The following DOCK7 variants were observed in gnomAD, a reference collection of about 807,000 sequenced individuals.
DOCK7 encodes dedicator of cytokinesis 7.
Under a neutral mutation model 271.0 loss-of-function variants are expected in DOCK7, and 138 were observed. The observed-to-expected ratio is 0.51, with a 90% confidence interval of 0.44 to 0.59. The LOEUF (loss-of-function observed/expected upper bound fraction) is 0.59. DOCK7 is among the 20% of genes least tolerant of loss of function. The pLI, the probability that DOCK7 is intolerant of heterozygous loss-of-function variation, is 0.00. For synonymous variants in DOCK7, 823 were observed against 876.1 expected (o/e 0.94, Z 1.07); for missense variants, 2,066 against 2,592.4 (o/e 0.80, Z 4.41).
At chr1:62,556,114 G>T in intron 20 of DOCK7, 125 bp from the exon 21 acceptor site, 2 of 933,618 alleles carry the variant, frequency 2.1e-6, no homozygotes, top group Non-Finnish European at 1.6e-6. Context: ...AGTGTATAAA[G>T]ATGATTACTA....
chr1:62,622,823 G>T (rs912797452), intron 12 of DOCK7, among the ~76,000 whole-genome samples: 1 of 151,996 alleles, frequency 6.6e-6, no homozygotes, highest in African/African-American at 2.4e-5. Flanking sequence ...CCAGCTACTC[G>T]GGAGGCTGAG....
intron 14 of DOCK7, among the ~76,000 whole-genome samples, chr1:62,610,487 T>G (rs556335358): frequency 6.6e-6 from 1 of 152,254 alleles, no homozygotes; most frequent in African/African-American, 2.4e-5. Context: ...ATTATTATAC[T>G]TTAAGTTCTG....
At chr1:62,542,369 A>G (rs891919367) in intron 25 of DOCK7, among the ~76,000 whole-genome samples, 1 of 152,194 alleles carries the variant, frequency 6.6e-6, no homozygotes. Context: ...TAGCTAGCTT[A>G]TGCAACCATC....
Position 62,625,296 on chromosome 1 carries a change from C to T in DOCK7, c.1388G>A (p.Arg463Gln), listed in dbSNP as rs1429013604. The change falls in exon 12 of 50, where the codon CGA (arginine) becomes CAA (glutamine). Residue 463 changes from arginine (R) to glutamine (Q), a missense_variant. Arg to Gln is a conservative substitution (Grantham distance 43, BLOSUM62 1). Coordinates refer to ENST00000635253, the MANE Select transcript of DOCK7 (RefSeq NM_001367561.1). The part of the protein sequence containing the change: ...GDDACNLTSF[R>Q]PATLTVTNFF... Reference sequence around the variant, plus strand: ...ATTTGTCACTGTGAGAGTAGCTGGTCGAAAGCTCGTCAAGTTACAAGCATC... The same window carrying T: ...ATTTGTCACTGTGAGAGTAGCTGGTTGAAAGCTCGTCAAGTTACAAGCATC... 5 of 1,613,824 alleles carry T rather than the reference C, an allele frequency of 3.1e-6. No homozygotes were observed. Among genetic ancestry groups the T allele is most frequent in the African/African-American group, 2.7e-5 (2 of 74,898 alleles).
At chr1:62,509,712 T>C (rs896555828) in intron 34 of DOCK7, among the ~76,000 whole-genome samples, 9 of 152,210 alleles carry the variant, frequency 5.9e-5, no homozygotes, top group African/African-American at 2.2e-4. Flanking sequence ...ATACATATGG[T>C]ACTGAAACTT....
At chr1:62,659,704 T>C (rs990434442) in intron 2 of DOCK7, among the ~76,000 whole-genome samples, 8 of 152,050 alleles carry the variant, frequency 5.3e-5, no homozygotes, top group African/African-American at 9.7e-5. Flanking sequence ...AATAGAAGTA[T>C]GGAAAAAGAT....
chr1:62,586,539 T>C lies in DOCK7; in HGVS notation c.1768A>G (p.Met590Val), dbSNP rs1366028891. Residue 590 changes from methionine (M) to valine (V), a missense_variant, in exon 15 of 50, where the codon ATG (methionine) becomes GTG (valine). Met to Val is a conservative substitution (Grantham distance 21). Coordinates refer to ENST00000635253, the MANE Select transcript of DOCK7 (RefSeq NM_001367561.1). ...GCATTGCTTGGATCCTCTCCATACATAAACTGGACTTTCACTGTTATATTT... is the reference window on the plus strand; with the variant it reads ...GCATTGCTTGGATCCTCTCCATACACAAACTGGACTTTCACTGTTATATTT... Reference protein sequence around the residue: ...ARNITVKVQFMYGEDPSNAMP... With the variant: ...ARNITVKVQFVYGEDPSNAMP... 1 of 1,612,446 alleles carries C rather than the reference T, an allele frequency of 6.2e-7. No homozygotes were observed. The highest frequency in any genetic ancestry group is 1.3e-5 in the African/African-American group (1 of 74,864).
chr1:62,528,639 C>A (rs1298344097), intron 30 of DOCK7, among the ~76,000 whole-genome samples: 1 of 152,162 alleles, frequency 6.6e-6, no homozygotes, highest in Non-Finnish European at 1.5e-5. Flanking sequence ...CTTTGCAACA[C>A]CAGCACCTGT....
At chr1:62,636,056 TC>T (rs1373883504) in intron 8 of DOCK7, among the ~76,000 whole-genome samples, 3 of 152,194 alleles carry the variant, frequency 2.0e-5, no homozygotes, top group Non-Finnish European at 2.9e-5. Flanking sequence ...ATCGAGATCA[TC>T]CTGGCTAACA....
chr1:62,682,649 C>G (rs939106785), intron 1 of DOCK7, among the ~76,000 whole-genome samples: 3 of 152,122 alleles, frequency 2.0e-5, no homozygotes, highest in Admixed American at 2.0e-4. Flanking sequence ...AAGGTAAGCA[C>G]AACTATATAG....
chr1:62,678,873 G>A (rs1660811736), intron 1 of DOCK7, among the ~76,000 whole-genome samples: 1 of 152,034 alleles, frequency 6.6e-6, no homozygotes, highest in Admixed American at 6.6e-5. Flanking sequence ...TAATTTCAAT[G>A]TACATTTTAA....
chr1:62,566,363 A>G (rs896232636), intron 18 of DOCK7, among the ~76,000 whole-genome samples: 4 of 152,194 alleles, frequency 2.6e-5, no homozygotes, highest in African/African-American at 9.7e-5. Context: ...AGACCAAGGA[A>G]ACAGAACAGA....
rs1553158721 is a variant in DOCK7 at position 62,507,991 on chromosome 1, T to C, written c.4447A>G (p.Ile1483Val). ...ACAACAATCTCTAATGTATCTAAAATGATTAGGTTTGCTTCTGTAGCCAGG... is the reference window on the plus strand; with the variant it reads ...ACAACAATCTCTAATGTATCTAAAACGATTAGGTTTGCTTCTGTAGCCAGG... ...GNLATEANLI[I>V]LDTLEIVVQT... The change falls in exon 35 of 50, where the codon ATT becomes GTT. Residue 1483 changes from isoleucine to valine, a missense_variant. Physicochemically the swap from Ile to Val is conservative, Grantham distance 29. Transcript: ENST00000635253. The C allele has an allele frequency of 5.0e-6, 8 of 1,612,866 alleles. No individual in the cohort carries two copies. The Middle Eastern group carries it at 8.2e-4, about 166-fold the overall frequency.
chr1:62,483,211 TGGGTAGAGATGAGATCTCAG>T (rs1646188180), intron 43 of DOCK7: 1 of 131,660 alleles, frequency 7.6e-6, no homozygotes, highest in Non-Finnish European at 1.6e-5. Flanking sequence ...TTTTTTTTTT[TGGGTAGAGATGAGATCTCAG>T]TGTTGCCCAG....
At chr1:62,520,335 A>T (rs2149354144) in intron 31 of DOCK7, among the ~76,000 whole-genome samples, 1 of 152,226 alleles carries the variant, frequency 6.6e-6, no homozygotes, top group Non-Finnish European at 1.5e-5. Flanking sequence ...TGGGAGAAAA[A>T]TTTTGCAATC....
At chr1:62,494,665 G>A (rs968575364) in intron 39 of DOCK7, 198 bp from the exon 40 acceptor site, 5 of 308,680 alleles carry the variant, frequency 1.6e-5, no homozygotes, top group Non-Finnish European at 2.7e-5. Flanking sequence ...ATCAGTTGGT[G>A]GGGGGGGCAG....
chr1:62,543,934 T>C (rs749237580), intron 23 of DOCK7, among the ~76,000 whole-genome samples, 189 bp from the exon 24 acceptor site: 1 of 152,188 alleles, frequency 6.6e-6, no homozygotes, highest in Admixed American at 6.6e-5. Context: ...AGTATCAAAA[T>C]GGCTTCTATA....
intron 48 of DOCK7, among the ~76,000 whole-genome samples, chr1:62,468,067 T>C (rs754207623): frequency 2.6e-5 from 4 of 152,056 alleles, no homozygotes; most frequent in Non-Finnish European, 4.4e-5. Context: ...CCTTGATGAT[T>C]AAAAGCATCA....
intron 31 of DOCK7, among the ~76,000 whole-genome samples, chr1:62,526,625 T>C (rs1424698611): frequency 6.6e-6 from 1 of 152,122 alleles, no homozygotes; most frequent in African/African-American, 2.4e-5. Context: ...TGTACATAAA[T>C]GTTCGTGGCA....
Sources: allele counts gnomAD v4.1 joint callset (sites outside exome capture counted in the v4.1 genomes callset), GRCh38; gene constraint gnomAD v4.1.1; transcripts MANE v1.5; gene names NCBI Gene and HGNC (gene_info 2026-07-23, HGNC 2026-07-21).